SGK3: variants seen among roughly 807,000 people sequenced by gnomAD.
SGK3 encodes the protein serine/threonine-protein kinase Sgk3.
In SGK3, 47 loss-of-function variants were observed where a neutral mutation model predicts 68.5. The ratio of observed to expected loss-of-function variants is 0.69; its 90% CI spans 0.54 to 0.87. The LOEUF (loss-of-function observed/expected upper bound fraction) is 0.87. Ranked by LOEUF, SGK3 falls within the 40% of genes least tolerant of loss-of-function variation. The pLI, the probability that SGK3 is intolerant of heterozygous loss-of-function variation, is 0.00. For missense variants in SGK3, 479 were observed against 575.5 expected (o/e 0.83, Z 1.72); for synonymous variants, 181 against 189.1 (o/e 0.96, Z 0.35).
intron 1 of SGK3, among the ~76,000 whole-genome samples, chr8:66,728,615 C>T (rs1242480318): frequency 6.6e-6 from 1 of 152,138 alleles, no homozygotes; most frequent in East Asian, 1.9e-4. Flanking sequence ...GTGTGAGCCA[C>T]TGCTCCCAGC....
chr8:66,791,730 C>T (rs1752072779), intron 1 of SGK3, among the ~76,000 whole-genome samples: 1 of 152,204 alleles, frequency 6.6e-6, no homozygotes, highest in Admixed American at 6.5e-5. Flanking sequence ...AGCTCATAAC[C>T]TTCACCTTCT....
In SGK3 at chr8:66,744,527, T is replaced by TGTTTG. The variant is rs764935660; in HGVS notation, c.-122+31694_-122+31695insGTTTG. Among the ~76,000 whole-genome samples, 41 of 97,804 alleles carry TGTTTG rather than the reference T, an allele frequency of 4.2e-4. 4 individuals are homozygous for TGTTTG. The highest frequency in any genetic ancestry group is 2.0e-3 in the African/African-American group (41 of 20,108). The allele number at this position is 97,804 out of a possible 152,430, so 64.2% of individuals were successfully genotyped here. On this transcript the variant is annotated intron_variant, in intron 1 of 16. Transcript: ENST00000521198. ...TATATATATATATATATATTTTTTT[T>TGTTTG]TTTTTTTTTTTTTTTTTTAGATGGA...
chr8:66,739,321 C>T (rs1030171834), intron 1 of SGK3, among the ~76,000 whole-genome samples: 1 of 152,134 alleles, frequency 6.6e-6, no homozygotes, highest in African/African-American at 2.4e-5. Flanking sequence ...GGGAAGTAAT[C>T]CATTCCCAAG....
chr8:66,735,111 A>G (rs1046786793), intron 1 of SGK3, among the ~76,000 whole-genome samples: 3 of 152,162 alleles, frequency 2.0e-5, no homozygotes, highest in Non-Finnish European at 2.9e-5. Context: ...ATCCATAGGT[A>G]TGTATATATA....
At chr8:66,748,477 A>AT (rs35713659) in intron 1 of SGK3, among the ~76,000 whole-genome samples, 17 of 152,072 alleles carry the variant, frequency 1.1e-4, no homozygotes, top group African/African-American at 4.1e-4. Context: ...GCCTTGATAG[A>AT]TTTTTCCTTC....
chr8:66,804,643 C>A (rs1249527850), intron 4 of SGK3, among the ~76,000 whole-genome samples, 196 bp downstream of exon 4: 2 of 152,156 alleles, frequency 1.3e-5, no homozygotes, highest in East Asian at 3.9e-4. Context: ...TCATTCGATC[C>A]TGACAACTTC....
Position 66,845,518 on chromosome 8 carries a change from C to T in SGK3, c.1075-1675C>T, listed in dbSNP as rs976307399. 2.0e-5 allele frequency among the ~76,000 whole-genome samples: 3 copies of T among 151,994 alleles called. No individual in the cohort carries two copies. In the South Asian group the frequency reaches 6.2e-4, roughly 31 times the overall value. ...CCCTTAACTTTAAAAATTATGTATA[C>T]TTTAATTTTTATTTTTACTTTTTTT... On this transcript the variant is annotated intron_variant, in intron 14 of 16. Transcript: ENST00000521198.
At chr8:66,841,865 C>G (rs191721222) in intron 13 of SGK3, among the ~76,000 whole-genome samples, 1 of 152,146 alleles carries the variant, frequency 6.6e-6, no homozygotes. Context: ...CTTTATTATT[C>G]ATACTTCACA....
At chr8:66,729,735 T>TTTTATTTATTTA (rs1554592142) in intron 1 of SGK3, among the ~76,000 whole-genome samples, 4 of 150,908 alleles carry the variant, frequency 2.7e-5, no homozygotes, top group East Asian at 3.9e-4. Context: ...ATTTATTTAT[T>TTTTATTTATTTA]TTTATTTATT....
chr8:66,723,131 ATTTTTTT>A (rs1177940065), intron 1 of SGK3, among the ~76,000 whole-genome samples: 28 of 29,494 alleles, frequency 9.5e-4, no homozygotes, highest in South Asian at 5.4e-3. Context: ...ATATATATAT[ATTTTTTT>A]TTTTTTTTTT....
At chr8:66,770,037 T>C (rs1806457213) in intron 1 of SGK3, among the ~76,000 whole-genome samples, 1 of 152,182 alleles carries the variant, frequency 6.6e-6, no homozygotes, top group African/African-American at 2.4e-5. Context: ...CACTGCAAGC[T>C]CCACCTCCCG....
intron 1 of SGK3, among the ~76,000 whole-genome samples, chr8:66,759,716 G>A (rs528295440): frequency 1.6e-3 from 239 of 152,150 alleles, no homozygotes; most frequent in Non-Finnish European, 2.5e-3. Flanking sequence ...AGGCTGGAGT[G>A]CAGTGGTGTG....
At chr8:66,839,512 T>TATAG (rs1809686926) in intron 10 of SGK3, among the ~76,000 whole-genome samples, 1 of 28,926 alleles carries the variant, frequency 3.5e-5, no homozygotes, top group African/African-American at 1.5e-4. Context: ...TATATATATA[T>TATAG]ATATATATAT....
At chr8:66,728,651 T>C (rs1266965919) in intron 1 of SGK3, among the ~76,000 whole-genome samples, 1 of 152,096 alleles carries the variant, frequency 6.6e-6, no homozygotes, top group Non-Finnish European at 1.5e-5. Flanking sequence ...GTGAAAAATA[T>C]CCTGCTGTTG....
chr8:66,801,585 A>G (rs1343028778), intron 3 of SGK3, among the ~76,000 whole-genome samples: 2 of 152,080 alleles, frequency 1.3e-5, no homozygotes, highest in African/African-American at 4.8e-5. Flanking sequence ...TGCCTGGGTT[A>G]TGCTCGGGTA....
intron 16 of SGK3, among the ~76,000 whole-genome samples, chr8:66,858,462 T>A (rs59754703): frequency 0.024 from 3,529 of 147,826 alleles, 152 homozygotes; most frequent in African/African-American, 0.083. Flanking sequence ...CGAGACTCTG[T>A]CTCAAAAAAA....
At chr8:66,768,548 C>T (rs1048898741) in intron 1 of SGK3, among the ~76,000 whole-genome samples, 1 of 151,564 alleles carries the variant, frequency 6.6e-6, no homozygotes, top group African/African-American at 2.4e-5. Flanking sequence ...AGATGTTGCT[C>T]CACTTCTTGT....
At chr8:66,754,048 T>C (rs1805905177) in intron 1 of SGK3, among the ~76,000 whole-genome samples, 1 of 152,170 alleles carries the variant, frequency 6.6e-6, no homozygotes, top group East Asian at 1.9e-4. Context: ...TGGAGGCTCT[T>C]TGGAGCTTTG....
At chr8:66,816,805 T>C (rs1808603595) in intron 5 of SGK3, among the ~76,000 whole-genome samples, 1 of 152,136 alleles carries the variant, frequency 6.6e-6, no homozygotes, top group Admixed American at 6.6e-5. Flanking sequence ...ATACCTGTTA[T>C]TACTGTTAAG....
Sources: gnomAD v4.1 joint callset for allele counts (sites outside exome capture counted in the v4.1 genomes callset) on GRCh38, gnomAD v4.1.1 for gene constraint, MANE v1.5 for transcripts, NCBI Gene and HGNC (gene_info 2026-07-23, HGNC 2026-07-21) for gene names.